The following ACOT13 variants were observed in gnomAD, a reference collection of about 807,000 sequenced individuals.
ACOT13 encodes the protein acyl-CoA thioesterase 13, also known as acyl-coenzyme A thioesterase 13.
A neutral mutation model predicts 11.8 loss-of-function variants in ACOT13; 10 were observed. That is an observed-to-expected ratio of 0.85 (90% CI 0.53 to 1.44). The LOEUF is 1.44. ACOT13 is among the 40% of genes most tolerant of loss of function. The pLI is 0.00. For missense variants in ACOT13, 172 were observed against 174.1 expected (o/e 0.99, Z 0.07); for synonymous variants, 53 against 61.0 (o/e 0.87, Z 0.61).
chr6:24,667,140 A>G lies in ACOT13; in HGVS notation c.-124A>G. 5.7e-6 allele frequency: 6 copies of G among 1,046,952 alleles called. No homozygotes were observed. The highest frequency in any genetic ancestry group is 2.6e-5 in the East Asian group (1 of 38,572). The allele number at this position is 1,046,952 out of a possible 1,614,324, so 64.9% of individuals were successfully genotyped here. On this transcript the variant is annotated 5_prime_UTR_variant, in exon 1 of 3. Transcript: ENST00000230048. ...CTGACTCCCGGCCTCTTGCGCTCCTAGGGGCGGAGAAGGGTGCGGGCTCTT... is the reference window on the plus strand; with the variant it reads ...CTGACTCCCGGCCTCTTGCGCTCCTGGGGGCGGAGAAGGGTGCGGGCTCTT...
Position 24,700,104 on chromosome 6 carries a change from G to A in ACOT13, c.267-1355G>A, listed in dbSNP as rs187583428. Reference sequence around the variant, plus strand: ...TCAAGTCCTATATTATACAGACTGAGGATGCCTGTTAGACTGTGACTTAGG... The same window carrying A: ...TCAAGTCCTATATTATACAGACTGAAGATGCCTGTTAGACTGTGACTTAGG... On this transcript the variant is annotated intron_variant, in intron 2 of 2. Coordinates refer to ENST00000230048, the MANE Select transcript of ACOT13 (RefSeq NM_018473.4). Among the ~76,000 whole-genome samples, 217 of 152,308 alleles carry A rather than the reference G, an allele frequency of 1.4e-3. 2 individuals carry two copies. The highest frequency in any genetic ancestry group is 1.2e-3 in the Admixed American group (18 of 15,294).
chr6:24,670,830 G>A (rs537077620), intron 1 of ACOT13, among the ~76,000 whole-genome samples: 2 of 152,096 alleles, frequency 1.3e-5, no homozygotes, highest in African/African-American at 4.8e-5. Context: ...GATTAGTTCA[G>A]TCCCCTTAGT....
Position 24,667,128 on chromosome 6 carries a change from T to C in ACOT13, c.-136T>C. ...CTGCCAGCTCGCCTGACTCCCGGCC[T>C]CTTGCGCTCCTAGGGGCGGAGAAGG... On this transcript the variant is annotated 5_prime_UTR_variant, in exon 1 of 3. Coordinates refer to ENST00000230048, the MANE Select transcript of ACOT13 (RefSeq NM_018473.4). 1.0e-6 allele frequency: 1 copy of C among 968,406 alleles called. No homozygotes were observed. Among genetic ancestry groups the C allele is most frequent in the Non-Finnish European group, 1.5e-6 (1 of 654,416 alleles). The allele number at this position is 968,406 out of a possible 1,614,324, so 60.0% of individuals were successfully genotyped here.
At chr6:24,689,125 C>T (rs991758626) in intron 1 of ACOT13, among the ~76,000 whole-genome samples, 5 of 152,096 alleles carry the variant, frequency 3.3e-5, no homozygotes, top group Non-Finnish European at 5.9e-5. Context: ...TGCCACTGCA[C>T]TCCAGCCTGG....
intron 1 of ACOT13, among the ~76,000 whole-genome samples, chr6:24,669,947 GA>G (rs964384727): frequency 6.6e-6 from 1 of 150,452 alleles, no homozygotes; most frequent in Non-Finnish European, 1.5e-5. Flanking sequence ...TCCTAATTAG[GA>G]AAAAAAAGGA....
At chr6:24,693,116 G>A (rs1032738146) in intron 1 of ACOT13, among the ~76,000 whole-genome samples, 1 of 152,192 alleles carries the variant, frequency 6.6e-6, no homozygotes, top group South Asian at 2.1e-4. Context: ...CATCTGCAGT[G>A]TCACACACAA....
At chr6:24,687,899 A>G (rs1258109967) in intron 1 of ACOT13, among the ~76,000 whole-genome samples, 5 of 151,652 alleles carry the variant, frequency 3.3e-5, no homozygotes, top group Non-Finnish European at 7.4e-5. Flanking sequence ...TTTAGCAGAG[A>G]TGGGGGTTTC....
rs753156463 is a variant in ACOT13, at chr6:24,698,039, C to A, written c.238C>A (p.Pro80Thr). 1 of 1,609,824 alleles carries A rather than the reference C, an allele frequency of 6.2e-7. No individual in the cohort carries two copies. The highest frequency in any genetic ancestry group is 8.5e-7 in the Non-Finnish European group (1 of 1,178,450). ...MALLCTERGA[P>T]GVSVDMNITY... ...TCTGCTATGCACGGAAAGGGGAGCA[C>A]CCGGAGTCAGTGTCGATATGAACAT... The change falls in exon 2 of 3, where the codon CCC (proline) becomes ACC (threonine). Residue 80 changes from proline to threonine, a missense_variant. By Grantham distance (38) the Pro-to-Thr change is conservative. Transcript: ENST00000230048.
At chr6:24,679,018 C>T (rs1778501422) in intron 1 of ACOT13, among the ~76,000 whole-genome samples, 1 of 152,182 alleles carries the variant, frequency 6.6e-6, no homozygotes, top group Non-Finnish European at 1.5e-5. Flanking sequence ...GACCTTCGTC[C>T]CCTGGGGCAA....
rs182727840 is a variant in ACOT13, at chr6:24,684,888, T to C, written c.82-12995T>C. The stretch of plus-strand genomic sequence containing the variant: ...TTTTCCAGGCATGATAGTGCGTAGA[T>C]GTGGTCTCCTCTTCTCTGAAGGCTG... On this transcript the variant is annotated intron_variant, in intron 1 of 2. Coordinates refer to ENST00000230048, the MANE Select transcript of ACOT13 (RefSeq NM_018473.4). Among the ~76,000 whole-genome samples, 202 of 152,242 alleles carry C rather than the reference T, an allele frequency of 1.3e-3. 1 individual carries two copies. The highest frequency in any genetic ancestry group is 4.6e-3 in the African/African-American group (193 of 41,538).
At chr6:24,687,013 G>A (rs939271604) in intron 1 of ACOT13, among the ~76,000 whole-genome samples, 6 of 152,142 alleles carry the variant, frequency 3.9e-5, no homozygotes, top group Non-Finnish European at 5.9e-5. Flanking sequence ...CTCTCACTAG[G>A]CCCTACCTCA....
At chr6:24,691,843 A>C (rs1778721824) in intron 1 of ACOT13, among the ~76,000 whole-genome samples, 1 of 152,224 alleles carries the variant, frequency 6.6e-6, no homozygotes, top group African/African-American at 2.4e-5. Flanking sequence ...GGATAAGCCC[A>C]TCATAAATTG....
intron 1 of ACOT13, among the ~76,000 whole-genome samples, chr6:24,682,646 G>A (rs955901874): frequency 3.3e-5 from 5 of 152,142 alleles, no homozygotes; most frequent in Admixed American, 6.5e-5. Context: ...TGGATCCGGA[G>A]GGATGGGAGT....
chr6:24,669,368 T>C (rs189620414), intron 1 of ACOT13, among the ~76,000 whole-genome samples: 5 of 152,326 alleles, frequency 3.3e-5, no homozygotes, highest in African/African-American at 1.2e-4. Flanking sequence ...TTGCATTCTT[T>C]TGAGTTTCTG....
chr6:24,698,026 G>A lies in ACOT13; in HGVS notation c.225G>A (p.Thr75=), dbSNP rs377106918. ...TATCAACAATGGCTCTGCTATGCAC[G>A]GAAAGGGGAGCACCCGGAGTCAGTG... ...DNISTMALLC[T]ERGAPGVSVD... is the part of the protein sequence containing the mutation. Residue 75 remains threonine (T), a synonymous_variant, in exon 2 of 3, where the codon ACG becomes ACA. Transcript: ENST00000230048. 7 of 1,611,270 alleles carry A rather than the reference G, an allele frequency of 4.3e-6. No homozygotes were observed. Among genetic ancestry groups the A allele is most frequent in the African/African-American group, 2.7e-5 (2 of 74,928 alleles).
chr6:24,699,170 A>G (rs1411622194), intron 2 of ACOT13, among the ~76,000 whole-genome samples: 2 of 150,554 alleles, frequency 1.3e-5, no homozygotes, highest in African/African-American at 2.5e-5. Flanking sequence ...TGAGAGAGCC[A>G]TTGTGAGTAG....
At chr6:24,681,073 TAGGAAA>T (rs1778540434) in intron 1 of ACOT13, among the ~76,000 whole-genome samples, 1 of 152,262 alleles carries the variant, frequency 6.6e-6, no homozygotes, top group African/African-American at 2.4e-5. Context: ...AATCCTTTGT[TAGGAAA>T]TCTGCTGGGT....
Position 24,681,792 on chromosome 6 carries a change from G to A in ACOT13, c.81+14448G>A, listed in dbSNP as rs1031142895. The stretch of plus-strand genomic sequence containing the variant: ...ACAACTTGCTAGAGGAAATGAAAGT[G>A]TGAACCATTAGTACCTAGGAGGCAG... On this transcript the variant is annotated intron_variant, in intron 1 of 2. Transcript: ENST00000230048. Among the ~76,000 whole-genome samples the A allele has an allele frequency of 5.9e-5, 9 of 152,172 alleles. No homozygotes were observed. The South Asian group carries it at 1.2e-3, about 21-fold the overall frequency.
chr6:24,685,963 T>C (rs1417091833), intron 1 of ACOT13, among the ~76,000 whole-genome samples: 2 of 151,542 alleles, frequency 1.3e-5, no homozygotes, highest in Non-Finnish European at 2.9e-5. Flanking sequence ...GAGGCCTAGG[T>C]GGGAGAATTG....
Sources: allele counts gnomAD v4.1 joint callset (sites outside exome capture counted in the v4.1 genomes callset), GRCh38; gene constraint gnomAD v4.1.1; transcripts MANE v1.5; gene names NCBI Gene and HGNC (gene_info 2026-07-23, HGNC 2026-07-21).